DCDC2: variants seen among roughly 807,000 people sequenced by gnomAD.
DCDC2 encodes doublecortin domain-containing protein 2.
Under a neutral mutation model 50.2 loss-of-function variants are expected in DCDC2, and 40 were observed. The ratio of observed to expected loss-of-function variants is 0.80; its 90% CI spans 0.62 to 1.04. DCDC2 has a LOEUF of 1.04. DCDC2 is among the 50% of genes least tolerant of loss of function. The pLI is 0.00. For missense variants in DCDC2, 570 were observed against 581.9 expected, an observed-to-expected ratio of 0.98 and a Z score of 0.21; for synonymous variants, 234 against 210.6, an observed-to-expected ratio of 1.11 and a Z score of -0.96.
At chr6:24,199,843 C>T (rs1438893750) in intron 8 of DCDC2, among the ~76,000 whole-genome samples, 4 of 152,062 alleles carry the variant, frequency 2.6e-5, no homozygotes, top group African/African-American at 9.7e-5. Flanking sequence ...CTGAAAAACA[C>T]AGCAAAAGAA....
chr6:24,267,554 C>A (rs1420819622), intron 7 of DCDC2, among the ~76,000 whole-genome samples: 6 of 152,110 alleles, frequency 3.9e-5, no homozygotes, highest in African/African-American at 1.4e-4. Flanking sequence ...AAAATAATGA[C>A]CATTTCTCTA....
intron 7 of DCDC2, among the ~76,000 whole-genome samples, chr6:24,219,355 T>C (rs576538065): frequency 1.3e-5 from 2 of 152,312 alleles, no homozygotes; most frequent in Admixed American, 6.5e-5. Flanking sequence ...TTAGTTCCCA[T>C]AACAACTTTA....
chr6:24,206,396 G>A (rs1216862640), intron 7 of DCDC2, among the ~76,000 whole-genome samples: 1 of 148,312 alleles, frequency 6.7e-6, no homozygotes, highest in East Asian at 2.3e-4. Flanking sequence ...GAAGGAAACA[G>A]GAAGGGAGGA....
intron 8 of DCDC2, among the ~76,000 whole-genome samples, chr6:24,185,688 T>TACACACACACACACACAC (rs35379687): frequency 6.9e-6 from 1 of 144,398 alleles, no homozygotes; most frequent in Non-Finnish European, 1.5e-5. Flanking sequence ...TCCATACACA[T>TACACACACACACACACAC]ACACACACAC....
chr6:24,178,443 T>C lies in DCDC2; in HGVS notation c.1213A>G (p.Asn405Asp), dbSNP rs143521294. The C allele has an allele frequency of 1.2e-6, 2 of 1,614,020 alleles. No individual in the cohort carries two copies. Among genetic ancestry groups the C allele is most frequent in the East Asian group, 2.2e-5 (1 of 44,886 alleles). Residue 405 changes from asparagine (N) to aspartate (D), a missense_variant, in exon 9 of 10, where the codon AAT (asparagine) becomes GAT (aspartate). By Grantham distance (23) the Asn-to-Asp change is conservative. Transcript: ENST00000378454. ...SEQQARPARV[N>D]GGTDEENGEE... ...CCATTCTCCTCATCGGTGCCTCCAT[T>C]TACACGAGCAGGGCGTGCCTGCTGC...
At chr6:24,200,832 G>T (rs184584935) in intron 8 of DCDC2, among the ~76,000 whole-genome samples, 154 of 133,726 alleles carry the variant, frequency 1.2e-3, no homozygotes, top group Middle Eastern at 3.7e-3. Context: ...AAGAAAAAAA[G>T]AAAAAAAAAA....
chr6:24,239,198 T>G (rs188528087), intron 7 of DCDC2, among the ~76,000 whole-genome samples: 1 of 152,268 alleles, frequency 6.6e-6, no homozygotes, highest in Admixed American at 6.5e-5. Context: ...GTATGTGTAA[T>G]AAGTACAATG....
chr6:24,336,873 A>C lies in DCDC2; in HGVS notation c.348+16696T>G, dbSNP rs550972780. Among the ~76,000 whole-genome samples, 21 of 152,336 alleles carry C rather than the reference A, an allele frequency of 1.4e-4. No individual in the cohort carries two copies. The South Asian group carries it at 4.1e-3, about 30-fold the overall frequency. On this transcript the variant is annotated intron_variant, in intron 2 of 9. Coordinates refer to ENST00000378454, the MANE Select transcript of DCDC2 (RefSeq NM_016356.5). ...TGAATTCTAAATATGTATTAGGTAC[A>C]GTGCTAGGAGCTAAACACATACCTA...
intron 4 of DCDC2, among the ~76,000 whole-genome samples, chr6:24,291,510 G>T (rs1383541500): frequency 7.9e-6 from 1 of 126,722 alleles, no homozygotes; most frequent in Non-Finnish European, 1.6e-5. Flanking sequence ...TTTTGAGACG[G>T]AGTCTCGCTC....
intron 6 of DCDC2, among the ~76,000 whole-genome samples, chr6:24,284,049 G>A (rs887564857): frequency 2.6e-5 from 4 of 152,160 alleles, no homozygotes; most frequent in African/African-American, 7.2e-5. Flanking sequence ...TGTAACCTCC[G>A]TGCATTTAGT....
chr6:24,239,539 T>C (rs1762524025), intron 7 of DCDC2, among the ~76,000 whole-genome samples: 2 of 152,158 alleles, frequency 1.3e-5, no homozygotes, highest in Admixed American at 6.5e-5. Context: ...CCCAGCTAAT[T>C]AGGAATGATT....
chr6:24,351,310 A>C (rs970770297), intron 2 of DCDC2, among the ~76,000 whole-genome samples: 1 of 152,172 alleles, frequency 6.6e-6, no homozygotes, highest in Non-Finnish European at 1.5e-5. Context: ...GAGGGAAGTG[A>C]ACACACTGCT....
chr6:24,218,468 A>C (rs1762027001), intron 7 of DCDC2, among the ~76,000 whole-genome samples: 1 of 152,198 alleles, frequency 6.6e-6, no homozygotes, highest in Non-Finnish European at 1.5e-5. Context: ...AAAAGATAAA[A>C]TACATACCAT....
intron 7 of DCDC2, among the ~76,000 whole-genome samples, chr6:24,231,812 A>T (rs1182570988): frequency 6.6e-6 from 1 of 152,048 alleles, no homozygotes; most frequent in Non-Finnish European, 1.5e-5. Context: ...ATAATAATAA[A>T]AAGGCCTTCA....
chr6:24,234,721 T>C (rs768493705), intron 7 of DCDC2, among the ~76,000 whole-genome samples: 33 of 152,288 alleles, frequency 2.2e-4, no homozygotes, highest in Non-Finnish European at 4.0e-4. Flanking sequence ...TCAAGCGATA[T>C]AGACAGTTTT....
rs759430442 is a variant in DCDC2 at position 24,357,496 on chromosome 6, A to G, written c.255T>C (p.Asn85=). The G allele has an allele frequency of 3.1e-6, 5 of 1,610,596 alleles. No homozygotes were observed. In the South Asian group the frequency reaches 5.5e-5, roughly 18 times the overall value. Residue 85 remains asparagine (N), a synonymous_variant, in exon 1 of 10, where the codon AAT becomes AAC. Transcript: ENST00000378454. ...RKLDQIQSGG[N]YVAGGQEAFK... Reference sequence around the variant, plus strand: ...AGGCTTCCTGGCCTCCAGCCACGTAATTGCCCCCGCTCTGGATCTGGTCTA... The same window carrying G: ...AGGCTTCCTGGCCTCCAGCCACGTAGTTGCCCCCGCTCTGGATCTGGTCTA...
At position 24,296,085 on chromosome 6, in the gene DCDC2, G is replaced by A. The variant is rs1164255725; in HGVS notation, c.558-5007C>T. Among the ~76,000 whole-genome samples the A allele has an allele frequency of 2.6e-5, 4 of 152,288 alleles. No homozygotes were observed. In the East Asian group the frequency reaches 7.7e-4, roughly 29 times the overall value. On this transcript the variant is annotated intron_variant, in intron 4 of 9. Coordinates refer to ENST00000378454, the MANE Select transcript of DCDC2 (RefSeq NM_016356.5). Reference sequence around the variant, plus strand: ...ACCCAACTTCAAACTATGTTACATGGATTCAGTAACCAAAACAGCATGGTA... The same window carrying A: ...ACCCAACTTCAAACTATGTTACATGAATTCAGTAACCAAAACAGCATGGTA...
At chr6:24,228,136 A>G (rs1762269987) in intron 7 of DCDC2, among the ~76,000 whole-genome samples, 1 of 152,262 alleles carries the variant, frequency 6.6e-6, no homozygotes, top group South Asian at 2.1e-4. Flanking sequence ...ATCTTAAATA[A>G]CTGAAGCTAA....
chr6:24,223,117 T>G (rs1235988746), intron 7 of DCDC2, among the ~76,000 whole-genome samples: 1 of 152,174 alleles, frequency 6.6e-6, no homozygotes, highest in Non-Finnish European at 1.5e-5. Flanking sequence ...TCAGAAAACT[T>G]TTGGAAAAAG....
Sources: gnomAD v4.1 joint callset for allele counts (sites outside exome capture counted in the v4.1 genomes callset) on GRCh38, gnomAD v4.1.1 for gene constraint, MANE v1.5 for transcripts, NCBI Gene and HGNC (gene_info 2026-07-23, HGNC 2026-07-21) for gene names.